NKAIN3: variants seen among roughly 807,000 people sequenced by gnomAD.
NKAIN3 encodes the protein sodium/potassium-transporting ATPase subunit beta-1-interacting protein 3.
NKAIN3 carries 25 observed loss-of-function variants against 30.2 expected under a neutral mutation model. That is an observed-to-expected ratio of 0.83 (90% CI 0.60 to 1.16). NKAIN3 has a LOEUF of 1.16. Ranked by LOEUF, NKAIN3 falls within the 50% of genes most tolerant of loss-of-function variation. The pLI, the probability that NKAIN3 is intolerant of heterozygous loss-of-function variation, is 0.00. For synonymous variants in NKAIN3, 91 were observed against 89.6 expected, an observed-to-expected ratio of 1.02 and a Z score of -0.09; for missense variants, 225 against 254.1, an observed-to-expected ratio of 0.89 and a Z score of 0.78.
At chr8:62,842,640 A>G (rs902820277) in intron 4 of NKAIN3, among the ~76,000 whole-genome samples, 3 of 152,188 alleles carry the variant, frequency 2.0e-5, no homozygotes, top group Non-Finnish European at 4.4e-5. Flanking sequence ...TTAAAACAGC[A>G]TAATACTGGC....
Position 62,978,180 on chromosome 8 carries a change from G to A in NKAIN3, c.*12773G>A, listed in dbSNP as rs1823986953. 1 of 153,512 alleles carries A rather than the reference G, an allele frequency of 6.5e-6. No homozygotes were observed. Among genetic ancestry groups the A allele is most frequent in the Non-Finnish European group, 1.4e-5 (1 of 69,124 alleles). 9.5% of individuals were successfully genotyped at this position (153,512 alleles called of 1,614,324 possible). ...CTGTTGGGAGATGTCTCCCCATCAG[G>A]AGGCATGGGGGTCAGGGACCCACTT... On this transcript the variant is annotated 3_prime_UTR_variant, in exon 7 of 7. Transcript: ENST00000623646.
intron 4 of NKAIN3, among the ~76,000 whole-genome samples, chr8:62,851,286 T>C (rs1184083813): frequency 6.6e-6 from 1 of 152,236 alleles, no homozygotes; most frequent in African/African-American, 2.4e-5. Context: ...AGAATGCTTC[T>C]GATTTTTGCA....
chr8:62,908,820 C>G (rs895076440), intron 4 of NKAIN3, among the ~76,000 whole-genome samples: 10 of 152,106 alleles, frequency 6.6e-5, no homozygotes, highest in African/African-American at 1.9e-4. Context: ...GACTAATATA[C>G]CATATATAAA....
At chr8:62,297,825 A>G (rs1813889628) in intron 1 of NKAIN3, among the ~76,000 whole-genome samples, 1 of 152,222 alleles carries the variant, frequency 6.6e-6, no homozygotes, top group African/African-American at 2.4e-5. Context: ...ATTACTGGGT[A>G]TATACCCAAA....
At chr8:62,350,037 G>A (rs752849049) in intron 1 of NKAIN3, among the ~76,000 whole-genome samples, 6 of 152,172 alleles carry the variant, frequency 3.9e-5, no homozygotes, top group Admixed American at 1.3e-4. Context: ...ATGTAAAATG[G>A]TGCAGCCACT....
chr8:62,729,040 C>CAAAAAAAAAAAAAAAA (rs1317282077), intron 3 of NKAIN3, among the ~76,000 whole-genome samples: 2 of 61,188 alleles, frequency 3.3e-5, no homozygotes, highest in African/African-American at 7.1e-5. Flanking sequence ...AAAAAAAAAA[C>CAAAAAAAAAAAAAAAA]AAAAAAAAAA....
At chr8:62,500,032 G>A (rs1807375851) in intron 1 of NKAIN3, among the ~76,000 whole-genome samples, 1 of 152,122 alleles carries the variant, frequency 6.6e-6, no homozygotes, top group African/African-American at 2.4e-5. Context: ...CAACTACAGT[G>A]AACCTCTTCA....
intron 1 of NKAIN3, among the ~76,000 whole-genome samples, chr8:62,331,164 C>A (rs762842821): frequency 6.7e-6 from 1 of 148,764 alleles, no homozygotes; most frequent in Non-Finnish European, 1.5e-5. Flanking sequence ...TCCTCCCCCC[C>A]AAAGCCCTAT....
chr8:62,908,652 T>A (rs548243401), intron 4 of NKAIN3, among the ~76,000 whole-genome samples: 1 of 152,248 alleles, frequency 6.6e-6, no homozygotes, highest in South Asian at 2.1e-4. Context: ...CTGCACACAC[T>A]CTCTTGCCTC....
rs1823828933 is a variant in NKAIN3, at chr8:62,971,296, C to A, written c.*5889C>A. ...CACCCCCAACTTTGCAGTGAAGAAA[C>A]CTGGGTATTATAGTCTTTATTCTTA... is the stretch of plus-strand genomic sequence containing the variant. On this transcript the variant is annotated 3_prime_UTR_variant, in exon 7 of 7. Transcript: ENST00000623646. Among the ~76,000 whole-genome samples the A allele has an allele frequency of 6.6e-6, 1 of 152,136 alleles. No homozygotes were observed. The highest frequency in any genetic ancestry group is 6.6e-5 in the Admixed American group (1 of 15,258).
intron 4 of NKAIN3, among the ~76,000 whole-genome samples, chr8:62,800,755 A>G (rs1818029878): frequency 6.6e-6 from 1 of 152,204 alleles, no homozygotes; most frequent in African/African-American, 2.4e-5. Context: ...GGAGTGCCAG[A>G]CAGTGGGTGC....
intron 1 of NKAIN3, among the ~76,000 whole-genome samples, chr8:62,455,556 GCTAA>G (rs1805788499): frequency 6.6e-6 from 1 of 152,188 alleles, no homozygotes; most frequent in Admixed American, 6.5e-5. Context: ...GGGCTGAAAT[GCTAA>G]CTGAGTACTA....
chr8:62,569,996 G>C (rs889267464), intron 1 of NKAIN3, among the ~76,000 whole-genome samples: 8 of 152,064 alleles, frequency 5.3e-5, no homozygotes, highest in African/African-American at 1.2e-4. Context: ...TTTTGTGAAA[G>C]TATCGTTTGA....
chr8:62,994,556 GTTCATTCATTCA>G (rs202064359), intron 5 of NKAIN3, among the ~76,000 whole-genome samples: 1 of 152,112 alleles, frequency 6.6e-6, no homozygotes, highest in African/African-American at 2.4e-5. Flanking sequence ...GACACTTCAA[GTTCATTCATTCA>G]TTCATTCATT....
chr8:62,315,439 C>T (rs1814587171), intron 1 of NKAIN3, among the ~76,000 whole-genome samples: 1 of 152,146 alleles, frequency 6.6e-6, no homozygotes, highest in Admixed American at 6.6e-5. Flanking sequence ...GCTGGGGTCC[C>T]TCAATAGTTC....
intron 4 of NKAIN3, among the ~76,000 whole-genome samples, chr8:62,865,787 T>C (rs549947297): frequency 1.6e-4 from 25 of 152,370 alleles, no homozygotes; most frequent in Non-Finnish European, 2.9e-5. Flanking sequence ...TTATAGTGTA[T>C]GTAAACACAC....
At chr8:62,481,228 C>G (rs1403845367) in intron 1 of NKAIN3, among the ~76,000 whole-genome samples, 1 of 152,084 alleles carries the variant, frequency 6.6e-6, no homozygotes, top group Non-Finnish European at 1.5e-5. Flanking sequence ...TCATCTCATA[C>G]TTAATGCTCC....
chr8:62,415,164 T>A (rs1237468029), intron 1 of NKAIN3, among the ~76,000 whole-genome samples: 1 of 141,824 alleles, frequency 7.1e-6, no homozygotes, highest in African/African-American at 2.6e-5. Flanking sequence ...TATAGTATAT[T>A]ATATAATATA....
At chr8:62,284,221 G>T (rs959482320) in intron 1 of NKAIN3, among the ~76,000 whole-genome samples, 8 of 152,130 alleles carry the variant, frequency 5.3e-5, no homozygotes, top group African/African-American at 1.9e-4. Flanking sequence ...AAACTCTGGG[G>T]AGCTGTCAAT....
Sources: gnomAD v4.1 joint callset for allele counts (sites outside exome capture counted in the v4.1 genomes callset) on GRCh38, gnomAD v4.1.1 for gene constraint, MANE v1.5 for transcripts, NCBI Gene and HGNC (gene_info 2026-07-23, HGNC 2026-07-21) for gene names.